PDE1C: variants seen among roughly 807,000 people sequenced by gnomAD.
PDE1C encodes dual specificity calcium/calmodulin-dependent 3',5'-cyclic nucleotide phosphodiesterase 1C.
PDE1C carries 62 observed loss-of-function variants against 93.1 expected under a neutral mutation model. The observed-to-expected ratio is 0.67, with a 90% CI of 0.54 to 0.82. The LOEUF (loss-of-function observed/expected upper bound fraction) is 0.82. Among genes scored for constraint, PDE1C ranks in the 40% least tolerant of loss-of-function variants. The pLI, the probability that PDE1C is intolerant of heterozygous loss-of-function variation, is 0.00. For synonymous variants in PDE1C, 325 were observed against 310.1 expected, an observed-to-expected ratio of 1.05 and a Z score of -0.50; for missense variants, 742 against 884.6, an observed-to-expected ratio of 0.84 and a Z score of 2.04.
Position 32,319,667 on chromosome 7 carries a change from T to C in PDE1C, c.310+108155A>G, listed in dbSNP as rs528770543. Reference sequence around the variant, plus strand: ...GGTGGAAACACAAACTCAGCTTATGTAATCTGCTCAAGGTCACAGAGCTCA... The same window carrying C: ...GGTGGAAACACAAACTCAGCTTATGCAATCTGCTCAAGGTCACAGAGCTCA... On this transcript the variant is annotated intron_variant, in intron 1 of 1. Coordinates refer to the PDE1C transcript ENST00000672256. 7.2e-5 allele frequency among the ~76,000 whole-genome samples: 11 copies of C among 152,310 alleles called. No individual in the cohort carries two copies. The South Asian group carries it at 2.3e-3, about 32-fold the overall frequency.
chr7:32,213,418 G>C (rs866491128), intron 1 of PDE1C, among the ~76,000 whole-genome samples: 1 of 152,192 alleles, frequency 6.6e-6, no homozygotes, highest in African/African-American at 2.4e-5. Flanking sequence ...GCATGGTCTA[G>C]AAGGCAGGTG....
At chr7:31,692,635 C>G in the PDE1C span, 1 of 956,532 alleles carries the variant, frequency 1.0e-6, no homozygotes, top group Admixed American at 2.2e-5. Flanking sequence ...ACCTGATAGT[C>G]TGTGCCTTCT....
At chr7:32,418,249 C>G (rs761496735) in intron 1 of PDE1C, among the ~76,000 whole-genome samples, 7 of 152,104 alleles carry the variant, frequency 4.6e-5, no homozygotes, top group South Asian at 2.1e-4. Context: ...TTATCAGCCT[C>G]AAGCTGCTAC....
At chr7:32,085,218 CA>C (rs1796993795) in intron 3 of PDE1C, among the ~76,000 whole-genome samples, 1 of 151,098 alleles carries the variant, frequency 6.6e-6, no homozygotes, top group Admixed American at 6.6e-5. Flanking sequence ...GAGAATACTA[CA>C]AACAACTCTA....
chr7:32,042,902 T>C (rs1043193301), intron 2 of PDE1C, among the ~76,000 whole-genome samples: 4 of 152,172 alleles, frequency 2.6e-5, no homozygotes, highest in Admixed American at 6.5e-5. Flanking sequence ...AAAGACCACA[T>C]TCGTTCTCAG....
intron 11 of PDE1C, among the ~76,000 whole-genome samples, chr7:31,831,435 C>T (rs748899629): frequency 1.1e-4 from 17 of 151,854 alleles, no homozygotes; most frequent in Non-Finnish European, 2.4e-4. Flanking sequence ...AGAGAATAGA[C>T]ATTGAATTGC....
At chr7:31,757,229 T>C (rs1415615635) in intron 17 of PDE1C, among the ~76,000 whole-genome samples, 2 of 152,198 alleles carry the variant, frequency 1.3e-5, no homozygotes, top group African/African-American at 4.8e-5. Flanking sequence ...CTAGAAAATA[T>C]AAACATATGT....
chr7:31,661,874 T>G, the PDE1C span, among the ~76,000 whole-genome samples: 1 of 152,168 alleles, frequency 6.6e-6, no homozygotes, highest in Admixed American at 6.5e-5. Context: ...GTCTCTCTCC[T>G]TGAATCTCTT....
chr7:31,926,365 A>T (rs1312863062), intron 2 of PDE1C, among the ~76,000 whole-genome samples: 1 of 152,232 alleles, frequency 6.6e-6, no homozygotes, highest in East Asian at 1.9e-4. Flanking sequence ...CCCAGATCCT[A>T]GCACAAAGCA....
At chr7:32,320,426 A>G (rs1443420842) in intron 1 of PDE1C, among the ~76,000 whole-genome samples, 1 of 152,140 alleles carries the variant, frequency 6.6e-6, no homozygotes, top group Non-Finnish European at 1.5e-5. Context: ...TACCTGAATG[A>G]TGGGGTGATC....
chr7:32,234,517 A>G (rs530519950), intron 1 of PDE1C, among the ~76,000 whole-genome samples: 1 of 152,200 alleles, frequency 6.6e-6, no homozygotes, highest in Non-Finnish European at 1.5e-5. Context: ...CACAACTTAC[A>G]TAAAACTTAG....
chr7:32,297,908 A>G (rs1812680217), intron 1 of PDE1C, among the ~76,000 whole-genome samples: 1 of 138,348 alleles, frequency 7.2e-6, no homozygotes, highest in South Asian at 2.3e-4. Context: ...CTCTCTCTTC[A>G]TGTGTCCCTT....
At chr7:32,061,548 C>T (rs888580638) in intron 1 of PDE1C, among the ~76,000 whole-genome samples, 8 of 152,338 alleles carry the variant, frequency 5.3e-5, no homozygotes, top group Non-Finnish European at 7.3e-5. Flanking sequence ...TTCACTTGGC[C>T]CTTCTGCAGT....
At chr7:31,964,136 C>A (rs1488171631) in intron 2 of PDE1C, among the ~76,000 whole-genome samples, 1 of 152,214 alleles carries the variant, frequency 6.6e-6, no homozygotes, top group Admixed American at 6.5e-5. Context: ...GCGCACCGTG[C>A]GTGAGCCAAA....
At chr7:31,640,477 C>G in the PDE1C span, among the ~76,000 whole-genome samples, 1 of 152,194 alleles carries the variant, frequency 6.6e-6, no homozygotes, top group African/African-American at 2.4e-5. Context: ...TCTGTTTCCT[C>G]AGCTTCAAGT....
At chr7:31,899,062 C>T (rs369827950) in intron 2 of PDE1C, among the ~76,000 whole-genome samples, 33 of 151,770 alleles carry the variant, frequency 2.2e-4, no homozygotes, top group African/African-American at 7.7e-4. Flanking sequence ...TGCAGCCTGG[C>T]ATCCTGTCAG....
the PDE1C span, among the ~76,000 whole-genome samples, chr7:31,660,515 A>AT: frequency 0.012 from 1,758 of 149,194 alleles, 28 homozygotes; most frequent in African/African-American, 0.04. Context: ...TTCCTCTCCC[A>AT]TTTTTTTTTT....
chr7:32,267,469 G>A (rs1012330968), intron 1 of PDE1C, among the ~76,000 whole-genome samples: 2 of 152,072 alleles, frequency 1.3e-5, no homozygotes, highest in African/African-American at 2.4e-5. Context: ...CAGGTAGAAG[G>A]GGGTGACCCA....
At chr7:31,891,805 T>TAC (rs70989620) in intron 2 of PDE1C, among the ~76,000 whole-genome samples, 4,486 of 146,070 alleles carry the variant, frequency 0.031, 75 homozygotes, top group East Asian at 0.09. Flanking sequence ...AATGCATTCA[T>TAC]ACACACACAC....
Sources: gnomAD v4.1 joint callset for allele counts (sites outside exome capture counted in the v4.1 genomes callset) on GRCh38, gnomAD v4.1.1 for gene constraint, MANE v1.5 for transcripts, NCBI Gene and HGNC (gene_info 2026-07-23, HGNC 2026-07-21) for gene names.